The following AOPEP variants were observed in gnomAD, a reference collection of about 807,000 sequenced individuals.
The protein encoded by AOPEP is aminopeptidase O (putative).
In AOPEP, 77 loss-of-function variants were observed where a neutral mutation model predicts 98.1. That is an observed-to-expected ratio of 0.78 (90% CI 0.65 to 0.95). AOPEP has a LOEUF of 0.95. Among genes scored for constraint, AOPEP ranks in the 40% least tolerant of loss-of-function variants. The probability of loss-of-function intolerance (pLI) is 0.00; values close to 1 mark genes in which losing one functional copy is unlikely to be tolerated. For missense variants in AOPEP, 1,024 were observed against 1,024.7 expected, an observed-to-expected ratio of 1.00 and a Z score of 0.01; for synonymous variants, 346 against 365.3, an observed-to-expected ratio of 0.95 and a Z score of 0.60.
chr9:94,968,494 A>C (rs528647583), intron 10 of AOPEP, among the ~76,000 whole-genome samples: 1 of 152,022 alleles, frequency 6.6e-6, no homozygotes, highest in African/African-American at 2.4e-5. Context: ...CGCCCGCCTC[A>C]GCCTCCCAAA....
intron 13 of AOPEP, among the ~76,000 whole-genome samples, chr9:95,029,173 T>A (rs4744424): frequency 0.83 from 126,737 of 152,100 alleles, 53,277 homozygotes; most frequent in Non-Finnish European, 0.89. Context: ...CCTGTCACCG[T>A]GCACTCTCTT....
downstream of AOPEP, among the ~76,000 whole-genome samples, chr9:95,087,482 CAAAAAA>C (rs746666179): frequency 1.6e-4 from 6 of 37,436 alleles, no homozygotes; most frequent in South Asian, 2.4e-3. Context: ...GACTCCATCT[CAAAAAA>C]AAAAAAAAAA....
In AOPEP at chr9:94,801,289, G is replaced by A. The variant is rs181611341; in HGVS notation, c.1364+287G>A. Among the ~76,000 whole-genome samples, 12 of 152,332 alleles carry A rather than the reference G, an allele frequency of 7.9e-5. No homozygotes were observed. In the East Asian group the frequency reaches 1.5e-3, roughly 20 times the overall value. On this transcript the variant is annotated intron_variant, in intron 5 of 16. Coordinates refer to ENST00000375315, the MANE Select transcript of AOPEP (RefSeq NM_001193329.3). ...TAGTGCCCCCTGAGTGGTGACTGTT[G>A]GATCATGGCTGATCAGTGGCTGTTA...
chr9:94,801,342 T>A (rs1848181921), intron 5 of AOPEP, among the ~76,000 whole-genome samples: 1 of 152,234 alleles, frequency 6.6e-6, no homozygotes, highest in East Asian at 1.9e-4. Context: ...ATAATGCTAA[T>A]GAGCCAAAGG....
intron 1 of AOPEP, among the ~76,000 whole-genome samples, chr9:94,730,625 CT>C (rs1363043878): frequency 6.6e-6 from 1 of 152,176 alleles, no homozygotes; most frequent in African/African-American, 2.4e-5. Context: ...ATCTCTCTAT[CT>C]TCGGACAGAA....
chr9:94,951,314 C>G (rs775453478), intron 7 of AOPEP, among the ~76,000 whole-genome samples: 4 of 152,210 alleles, frequency 2.6e-5, no homozygotes, highest in Non-Finnish European at 4.4e-5. Flanking sequence ...CTAAGGTTCT[C>G]CACTTAGTAC....
chr9:94,995,035 C>G (rs770165016), intron 11 of AOPEP, among the ~76,000 whole-genome samples: 55 of 152,198 alleles, frequency 3.6e-4, no homozygotes, highest in Non-Finnish European at 6.9e-4. Context: ...TGAGACAGGA[C>G]CAGAAATGGA....
At chr9:94,878,630 G>T (rs2047239279) in intron 5 of AOPEP, among the ~76,000 whole-genome samples, 1 of 152,122 alleles carries the variant, frequency 6.6e-6, no homozygotes, top group Non-Finnish European at 1.5e-5. Context: ...ACTATTAGGG[G>T]CATACGTTTC....
chr9:94,827,550 C>G (rs1449943519), intron 5 of AOPEP, among the ~76,000 whole-genome samples: 1 of 152,174 alleles, frequency 6.6e-6, no homozygotes, highest in Non-Finnish European at 1.5e-5. Flanking sequence ...TTTCTTCCTA[C>G]ACATTTCCTT....
At chr9:94,822,510 ACT>A (rs1192437676) in intron 5 of AOPEP, among the ~76,000 whole-genome samples, 1 of 152,160 alleles carries the variant, frequency 6.6e-6, no homozygotes, top group Non-Finnish European at 1.5e-5. Flanking sequence ...TGAATAATGC[ACT>A]GTTGTTTATT....
intron 5 of AOPEP, among the ~76,000 whole-genome samples, chr9:94,823,284 C>T (rs959856888): frequency 2.0e-5 from 3 of 152,210 alleles, no homozygotes; most frequent in African/African-American, 7.2e-5. Flanking sequence ...GCGTGAGCCA[C>T]CGTGCCTGGC....
At chr9:95,015,939 T>A (rs2062945945) in intron 13 of AOPEP, among the ~76,000 whole-genome samples, 1 of 152,170 alleles carries the variant, frequency 6.6e-6, no homozygotes, top group Non-Finnish European at 1.5e-5. Context: ...TGACCTCAAG[T>A]GATCCGCCTG....
At chr9:94,924,282 C>T (rs930696943) in intron 6 of AOPEP, 107 bp downstream of exon 6, 2 of 904,820 alleles carry the variant, frequency 2.2e-6, no homozygotes, top group Middle Eastern at 3.2e-4. Flanking sequence ...GCACTAGGCA[C>T]AAATTTTGCT....
intron 5 of AOPEP, among the ~76,000 whole-genome samples, chr9:94,850,051 A>G (rs1330608485): frequency 7.3e-6 from 1 of 136,684 alleles, no homozygotes; most frequent in Non-Finnish European, 1.6e-5. Flanking sequence ...AAAAAAAAAA[A>G]GACTATCTAA....
chr9:94,756,247 C>CAA (rs75045703), intron 1 of AOPEP, among the ~76,000 whole-genome samples: 14 of 101,408 alleles, frequency 1.4e-4, no homozygotes, highest in Non-Finnish European at 1.6e-4. Flanking sequence ...GACTCTGTCT[C>CAA]AAAAAAAAAA....
chr9:95,059,843 A>T (rs375276239), intron 13 of AOPEP, among the ~76,000 whole-genome samples: 2 of 152,226 alleles, frequency 1.3e-5, no homozygotes, highest in Non-Finnish European at 2.9e-5. Context: ...TTCACTTCCT[A>T]CAAGGCATAT....
At chr9:94,962,938 G>T (rs2058952239) in intron 9 of AOPEP, among the ~76,000 whole-genome samples, 1 of 151,900 alleles carries the variant, frequency 6.6e-6, no homozygotes, top group Non-Finnish European at 1.5e-5. Flanking sequence ...TAGAAATGGG[G>T]TTTCACCGTG....
Position 95,018,629 on chromosome 9 carries a change from C to A in AOPEP, c.2115+13013C>A, listed in dbSNP as rs182953484. On this transcript the variant is annotated intron_variant, in intron 13 of 16. Coordinates refer to ENST00000375315, the MANE Select transcript of AOPEP (RefSeq NM_001193329.3). ...GCCTTTCTTTTTATCCTTTCAAAAT[C>A]ATCTGTTCTTATCCTCTCTGGAATT... 1.4e-3 allele frequency among the ~76,000 whole-genome samples: 213 copies of A among 152,306 alleles called. 2 individuals are homozygous for A. Among genetic ancestry groups the A allele is most frequent in the African/African-American group, 4.9e-3 (203 of 41,556 alleles).
At chr9:95,101,374 G>A in the AOPEP span, 4 of 417,776 alleles carry the variant, frequency 9.6e-6, no homozygotes, top group East Asian at 1.6e-4. Context: ...TAGATGTGCA[G>A]CTTGACTTGG....
Sources: gnomAD v4.1 joint callset for allele counts (sites outside exome capture counted in the v4.1 genomes callset) on GRCh38, gnomAD v4.1.1 for gene constraint, MANE v1.5 for transcripts, NCBI Gene and HGNC (gene_info 2026-07-23, HGNC 2026-07-21) for gene names.